The following GDAP1 variants were observed in gnomAD, a reference collection of about 807,000 sequenced individuals.
The protein encoded by GDAP1 is ganglioside-induced differentiation-associated protein 1.
GDAP1 carries 34 observed loss-of-function variants against 40.1 expected under a neutral mutation model. The ratio of observed to expected loss-of-function variants is 0.85; its 90% CI spans 0.64 to 1.13. The LOEUF is 1.13. Among genes scored for constraint, GDAP1 ranks in the 50% most tolerant of loss-of-function variants. The probability of loss-of-function intolerance (pLI) is 0.00; values close to 1 mark genes in which losing one functional copy is unlikely to be tolerated. For missense variants in GDAP1, 374 were observed against 433.7 expected (o/e 0.86, Z 1.22); for synonymous variants, 170 against 157.4 (o/e 1.08, Z -0.60).
At chr8:74,448,127 A>G (rs147312509) in intron 2 of GDAP1, among the ~76,000 whole-genome samples, 1,687 of 152,332 alleles carry the variant, frequency 0.011, 14 homozygotes, top group Non-Finnish European at 0.017. Flanking sequence ...CAATGTGCAG[A>G]TAGAACCATT....
chr8:74,476,200 T>G (rs1212042050), intron 2 of GDAP1, among the ~76,000 whole-genome samples: 1 of 152,208 alleles, frequency 6.6e-6, no homozygotes, highest in East Asian at 1.9e-4. Flanking sequence ...ATGGGTCTCT[T>G]GAAGACAACA....
intron 2 of GDAP1, among the ~76,000 whole-genome samples, chr8:74,488,394 G>A (rs1240555989): frequency 6.6e-6 from 1 of 152,064 alleles, no homozygotes; most frequent in Admixed American, 6.6e-5. Flanking sequence ...CAGGAGTTTG[G>A]GAAGTGTCCT....
chr8:74,391,984 A>G (rs1810117377), intron 2 of GDAP1, among the ~76,000 whole-genome samples: 1 of 151,978 alleles, frequency 6.6e-6, no homozygotes, highest in Non-Finnish European at 1.5e-5. Flanking sequence ...ATGCCCAGCA[A>G]ATTTTTGTAT....
chr8:74,355,813 G>A (rs1338782410), intron 2 of GDAP1, among the ~76,000 whole-genome samples: 1 of 151,618 alleles, frequency 6.6e-6, no homozygotes, highest in Admixed American at 6.6e-5. Context: ...TCACGTTCAT[G>A]TCTTATGTCT....
chr8:74,392,020 T>C (rs947719917), intron 2 of GDAP1, among the ~76,000 whole-genome samples: 4 of 152,168 alleles, frequency 2.6e-5, no homozygotes, highest in African/African-American at 9.7e-5. Context: ...GGTTCCTCCA[T>C]GTTGGTCAGG....
chr8:74,399,556 C>G (rs868628214), intron 2 of GDAP1, among the ~76,000 whole-genome samples: 1 of 143,940 alleles, frequency 6.9e-6, no homozygotes, highest in African/African-American at 2.8e-5. Context: ...TCCTTCAGTT[C>G]TGCTCTGATT....
chr8:74,418,861 A>T (rs930353988), intron 2 of GDAP1, among the ~76,000 whole-genome samples: 1 of 122,038 alleles, frequency 8.2e-6, no homozygotes, highest in Non-Finnish European at 1.7e-5. Flanking sequence ...AATTAAAAAA[A>T]TAGACAAAAG....
intron 2 of GDAP1, among the ~76,000 whole-genome samples, chr8:74,413,594 T>G (rs1805741990): frequency 6.7e-6 from 1 of 149,866 alleles, no homozygotes; most frequent in Non-Finnish European, 1.5e-5. Flanking sequence ...TCTCCAGCAT[T>G]CCTGTAGAGA....
chr8:74,416,682 A>G (rs1805783231), intron 2 of GDAP1, among the ~76,000 whole-genome samples: 1 of 149,922 alleles, frequency 6.7e-6, no homozygotes. Context: ...GACAGGTCAC[A>G]TCATTGGGTC....
chr8:74,356,716 A>ATATATATATATTTTT (rs375377157), intron 2 of GDAP1, among the ~76,000 whole-genome samples: 1 of 104,362 alleles, frequency 9.6e-6, no homozygotes, highest in African/African-American at 4.1e-5. Flanking sequence ...ATATATATAT[A>ATATATATATATTTTT]TTTTTTTTTT....
rs148202837 is a variant in GDAP1 at position 74,360,874 on chromosome 8, T to C, written c.484+564T>C. Among the ~76,000 whole-genome samples the C allele has an allele frequency of 3.6e-3, 555 of 152,322 alleles. 3 individuals are homozygous for C. The highest frequency in any genetic ancestry group is 5.5e-3 in the Non-Finnish European group (372 of 68,030). On this transcript the variant is annotated intron_variant, in intron 3 of 5. Transcript: ENST00000220822. ...CAGGAGGTGTGCTTTATAGCAGAGATAATTGGAGATAAGAAGGGAAAGGAT... is the reference window on the plus strand; with the variant it reads ...CAGGAGGTGTGCTTTATAGCAGAGACAATTGGAGATAAGAAGGGAAAGGAT...
chr8:74,471,137 C>T (rs1319210271), intron 2 of GDAP1, among the ~76,000 whole-genome samples: 5 of 151,980 alleles, frequency 3.3e-5, no homozygotes, highest in Non-Finnish European at 5.9e-5. Context: ...ATTGTAGATT[C>T]TGGATATTAG....
intron 2 of GDAP1, among the ~76,000 whole-genome samples, chr8:74,387,534 C>G (rs558056993): frequency 6.6e-6 from 1 of 152,220 alleles, no homozygotes; most frequent in Non-Finnish European, 1.5e-5. Context: ...ATGAAACCGA[C>G]TTGATCATGG....
At chr8:74,484,435 C>G (rs1005782366) in intron 2 of GDAP1, among the ~76,000 whole-genome samples, 2 of 152,082 alleles carry the variant, frequency 1.3e-5, no homozygotes, top group Non-Finnish European at 2.9e-5. Context: ...ATTCTTTGTT[C>G]TAAGGATATC....
At chr8:74,389,773 C>T (rs958482211) in intron 2 of GDAP1, among the ~76,000 whole-genome samples, 1 of 152,146 alleles carries the variant, frequency 6.6e-6, no homozygotes, top group African/African-American at 2.4e-5. Flanking sequence ...AGTGTGTTTT[C>T]CAACTTGGTT....
chr8:74,414,717 T>C lies in GDAP1; in HGVS notation c.165+63396T>C, dbSNP rs970369289. Among the ~76,000 whole-genome samples the C allele has an allele frequency of 5.4e-5, 8 of 148,380 alleles. No individual in the cohort carries two copies. In the South Asian group the frequency reaches 1.7e-3, roughly 31 times the overall value. On this transcript the variant is annotated intron_variant, in intron 2 of 2. Coordinates refer to the GDAP1 transcript ENST00000523640. Reference sequence around the variant, plus strand: ...AATACCAAAAGGTCTAACACTGATGTCATCAGAGTCTCAGAATGAGGATAA... The same window carrying C: ...AATACCAAAAGGTCTAACACTGATGCCATCAGAGTCTCAGAATGAGGATAA...
intron 2 of GDAP1, among the ~76,000 whole-genome samples, chr8:74,375,533 T>TC (rs951802917): frequency 3.7e-4 from 56 of 152,134 alleles, no homozygotes; most frequent in African/African-American, 1.2e-3. Flanking sequence ...AGATGAAACA[T>TC]CATATAACCA....
chr8:74,412,661 C>G lies in GDAP1; in HGVS notation c.165+61340C>G, dbSNP rs1172825513. ...AAGGCAAAACAAAATTTTACTAACA[C>G]AAATACTAACAAAAACTGAGGGCAA... On this transcript the variant is annotated intron_variant, in intron 2 of 2. Transcript: ENST00000523640. 2.0e-5 allele frequency among the ~76,000 whole-genome samples: 3 copies of G among 149,870 alleles called. 1 individual carries two copies. The highest frequency in any genetic ancestry group is 7.6e-5 in the African/African-American group (3 of 39,270).
chr8:74,443,280 A>G (rs1274889215), intron 2 of GDAP1, among the ~76,000 whole-genome samples: 1 of 152,174 alleles, frequency 6.6e-6, no homozygotes, highest in Non-Finnish European at 1.5e-5. Flanking sequence ...GCAGACTGTA[A>G]AGAGCCTTTC....
Sources: gnomAD v4.1 joint callset for allele counts (sites outside exome capture counted in the v4.1 genomes callset) on GRCh38, gnomAD v4.1.1 for gene constraint, MANE v1.5 for transcripts, NCBI Gene and HGNC (gene_info 2026-07-23, HGNC 2026-07-21) for gene names.